Variants in ASTN2 observed in about 807,000 individuals in gnomAD.
ASTN2 encodes the protein astrotactin-2.
A neutral mutation model predicts 139.8 loss-of-function variants in ASTN2; 54 were observed. That is an observed-to-expected ratio of 0.39 (90% CI 0.31 to 0.48). The LOEUF is 0.48. Ranked by LOEUF, ASTN2 falls within the 20% of genes least tolerant of loss-of-function variation. The probability of loss-of-function intolerance (pLI) is 0.95; values close to 1 mark genes in which losing one functional copy is unlikely to be tolerated. For synonymous variants in ASTN2, 756 were observed against 719.5 expected, an observed-to-expected ratio of 1.05 and a Z score of -0.81; for missense variants, 1,565 against 1,725.1, an observed-to-expected ratio of 0.91 and a Z score of 1.64.
At chr9:117,274,952 A>C (rs1482712399) in intron 2 of ASTN2, among the ~76,000 whole-genome samples, 1 of 152,240 alleles carries the variant, frequency 6.6e-6, no homozygotes, top group Non-Finnish European at 1.5e-5. Flanking sequence ...TGAAGACAGC[A>C]TGGGCTCAAG....
At chr9:116,757,621 A>G (rs1300635150) in intron 13 of ASTN2, among the ~76,000 whole-genome samples, 1 of 151,360 alleles carries the variant, frequency 6.6e-6, no homozygotes, top group African/African-American at 2.4e-5. Context: ...AAAATGGCCA[A>G]CCCCCTTGCA....
At chr9:117,286,095 G>T in intron 2 of ASTN2, among the ~76,000 whole-genome samples, 1 of 152,108 alleles carries the variant, frequency 6.6e-6, no homozygotes, top group East Asian at 1.9e-4. Context: ...CTGTTAAAAA[G>T]GGGGAGAGGA....
intron 1 of ASTN2, among the ~76,000 whole-genome samples, chr9:117,377,193 C>A (rs1298925897): frequency 1.3e-5 from 2 of 152,172 alleles, no homozygotes; most frequent in African/African-American, 4.8e-5. Context: ...GATGCCACAG[C>A]ACCTATTAGT....
chr9:117,276,677 A>C (rs780852043), intron 2 of ASTN2, among the ~76,000 whole-genome samples: 1 of 152,058 alleles, frequency 6.6e-6, no homozygotes, highest in Non-Finnish European at 1.5e-5. Flanking sequence ...ATTTTAGAGG[A>C]GGAAGGGAGG....
At chr9:116,923,700 G>A (rs1834676085) in intron 10 of ASTN2, among the ~76,000 whole-genome samples, 1 of 152,174 alleles carries the variant, frequency 6.6e-6, no homozygotes, top group Admixed American at 6.5e-5. Context: ...AAAAGAGCTG[G>A]AGGGTGGAAA....
At chr9:116,777,134 G>T (rs1163083360) in intron 13 of ASTN2, among the ~76,000 whole-genome samples, 1 of 152,080 alleles carries the variant, frequency 6.6e-6, no homozygotes, top group Non-Finnish European at 1.5e-5. Context: ...GAGCCAATAG[G>T]TGCTGATGCA....
chr9:116,455,320 G>C (rs9299240), intron 20 of ASTN2, among the ~76,000 whole-genome samples: 47,613 of 146,290 alleles, frequency 0.33, 8,315 homozygotes, highest in Non-Finnish European at 0.4. Flanking sequence ...CTGCATTCCA[G>C]CCTGGGTGAC....
At chr9:116,438,704 G>A (rs1293992129) in intron 22 of ASTN2, among the ~76,000 whole-genome samples, 1 of 152,194 alleles carries the variant, frequency 6.6e-6, no homozygotes, top group African/African-American at 2.4e-5. Flanking sequence ...TAGCACTTTG[G>A]GAGGCTGAGA....
At chr9:117,384,171 G>A (rs1055090739) in intron 1 of ASTN2, among the ~76,000 whole-genome samples, 1 of 152,174 alleles carries the variant, frequency 6.6e-6, no homozygotes, top group African/African-American at 2.4e-5. Context: ...CTTGGAAGGT[G>A]AGCAGGCAGT....
At chr9:116,832,639 C>T (rs374005833) in intron 11 of ASTN2, among the ~76,000 whole-genome samples, 58 of 151,856 alleles carry the variant, frequency 3.8e-4, no homozygotes, top group African/African-American at 1.3e-3. Flanking sequence ...TCTTCTTCTG[C>T]CTGTTATTAT....
At chr9:117,103,913 T>C (rs965736592) in intron 4 of ASTN2, among the ~76,000 whole-genome samples, 3 of 152,170 alleles carry the variant, frequency 2.0e-5, no homozygotes, top group Non-Finnish European at 2.9e-5. Flanking sequence ...AAACCACAAA[T>C]GTTCATACAC....
intron 5 of ASTN2, among the ~76,000 whole-genome samples, chr9:117,065,435 T>C (rs1019228973): frequency 1.3e-5 from 2 of 152,224 alleles, no homozygotes; most frequent in Admixed American, 6.5e-5. Context: ...GGAAGCACTC[T>C]TGACTGAACC....
At chr9:117,344,165 C>T (rs1829144983) in intron 1 of ASTN2, among the ~76,000 whole-genome samples, 1 of 150,006 alleles carries the variant, frequency 6.7e-6, no homozygotes, top group Admixed American at 6.7e-5. Flanking sequence ...ACTACACAGC[C>T]TTCCACAAAA....
intron 16 of ASTN2, among the ~76,000 whole-genome samples, chr9:116,724,009 C>T (rs1360411447): frequency 2.6e-5 from 4 of 152,120 alleles, no homozygotes; most frequent in Non-Finnish European, 5.9e-5. Flanking sequence ...ATCCACCATA[C>T]AAGGAATGGG....
At chr9:116,464,262 G>A (rs1458067826) in intron 20 of ASTN2, among the ~76,000 whole-genome samples, 1 of 152,098 alleles carries the variant, frequency 6.6e-6, no homozygotes, top group Non-Finnish European at 1.5e-5. Flanking sequence ...GGGAGGATGG[G>A]TAAGTGTGGC....
intron 10 of ASTN2, among the ~76,000 whole-genome samples, chr9:116,917,911 T>C (rs1386191614): frequency 6.6e-6 from 1 of 152,142 alleles, no homozygotes. Flanking sequence ...TTGAATTGTA[T>C]CTCCTAGAAT....
At chr9:117,275,878 G>A (rs10983601) in intron 2 of ASTN2, among the ~76,000 whole-genome samples, 7,547 of 152,114 alleles carry the variant, frequency 0.05, 217 homozygotes, top group South Asian at 0.13. Flanking sequence ...TGGATTAGGA[G>A]CTCACTCTTA....
intron 13 of ASTN2, among the ~76,000 whole-genome samples, chr9:116,805,045 C>A (rs1830993231): frequency 1.3e-5 from 2 of 148,682 alleles, no homozygotes; most frequent in African/African-American, 5.0e-5. Flanking sequence ...ATCTGGCCAA[C>A]CTAGCCGTCA....
chr9:116,873,926 C>T lies in ASTN2; in HGVS notation c.1890-10193G>A, dbSNP rs546462710. On this transcript the variant is annotated intron_variant, in intron 10 of 22. Coordinates refer to ENST00000313400, the MANE Select transcript of ASTN2 (RefSeq NM_001365068.1). ...TCCTGAGGCCTCCCCAGCTATGCTT[C>T]CTGTACAGACTGTGGAACACTGACC... Among the ~76,000 whole-genome samples, 260 of 152,306 alleles carry T rather than the reference C, an allele frequency of 1.7e-3. 1 individual carries two copies. Among genetic ancestry groups the T allele is most frequent in the Non-Finnish European group, 2.4e-3 (165 of 68,032 alleles).
Sources: gnomAD v4.1 joint callset for allele counts (sites outside exome capture counted in the v4.1 genomes callset) on GRCh38, gnomAD v4.1.1 for gene constraint, MANE v1.5 for transcripts, NCBI Gene and HGNC (gene_info 2026-07-23, HGNC 2026-07-21) for gene names.